The following NAALADL2 variants were observed in gnomAD, a reference collection of about 807,000 sequenced individuals.
The protein encoded by NAALADL2 is N-acetylated alpha-linked acidic dipeptidase like 2, also known as inactive N-acetylated-alpha-linked acidic dipeptidase-like protein 2.
A neutral mutation model predicts 87.2 loss-of-function variants in NAALADL2; 76 were observed. The ratio of observed to expected loss-of-function variants is 0.87; its 90% confidence interval spans 0.72 to 1.05. NAALADL2 has a LOEUF of 1.05. NAALADL2 is among the 50% of genes least tolerant of loss of function. The pLI is 0.00. For synonymous variants in NAALADL2, 354 were observed against 331.0 expected (o/e 1.07, Z -0.75); for missense variants, 1,089 against 945.8 (o/e 1.15, Z -1.99).
intron 1 of NAALADL2, among the ~76,000 whole-genome samples, chr3:175,008,014 C>G (rs1246113142): frequency 6.6e-6 from 1 of 151,978 alleles, no homozygotes; most frequent in Non-Finnish European, 1.5e-5. Flanking sequence ...TGATTCATTT[C>G]CCGGGTAGGA....
At chr3:175,593,983 T>C (rs1488623078) in intron 10 of NAALADL2, among the ~76,000 whole-genome samples, 1 of 16,400 alleles carries the variant, frequency 6.1e-5, no homozygotes, top group Non-Finnish European at 2.2e-4. Context: ...TTGCTATTCT[T>C]TTTTTTTTTT....
chr3:174,473,530 T>C (rs1222282323), intron 1 of NAALADL2, among the ~76,000 whole-genome samples: 1 of 152,216 alleles, frequency 6.6e-6, no homozygotes, highest in Non-Finnish European at 1.5e-5. Flanking sequence ...CCTTTCATGA[T>C]TACTGTTTAC....
chr3:174,493,503 CT>C (rs1213012574), intron 1 of NAALADL2, among the ~76,000 whole-genome samples: 4 of 152,192 alleles, frequency 2.6e-5, no homozygotes, highest in African/African-American at 9.7e-5. Context: ...TGATAATAGA[CT>C]TCTAAATTCC....
chr3:175,208,682 C>G lies in NAALADL2; in HGVS notation c.546-25249C>G, dbSNP rs1741318906. ...ATTCTTCCGATAATGCATTTTTCCACTAAGCATACACTGATCTCCACATGG... is the reference window on the plus strand; with the variant it reads ...ATTCTTCCGATAATGCATTTTTCCAGTAAGCATACACTGATCTCCACATGG... On this transcript the variant is annotated intron_variant, in intron 2 of 13. Coordinates refer to ENST00000454872, the MANE Select transcript of NAALADL2 (RefSeq NM_207015.3). 2.0e-5 allele frequency among the ~76,000 whole-genome samples: 3 copies of G among 152,072 alleles called. No individual in the cohort carries two copies. The South Asian group carries it at 6.2e-4, about 31-fold the overall frequency.
intron 12 of NAALADL2, among the ~76,000 whole-genome samples, chr3:175,741,906 A>G (rs1038855305): frequency 4.6e-5 from 7 of 152,214 alleles, no homozygotes; most frequent in Middle Eastern, 3.2e-3. Flanking sequence ...GGACTCAGAC[A>G]TCAATTAATA....
intron 1 of NAALADL2, among the ~76,000 whole-genome samples, chr3:175,051,539 A>T (rs1215564361): frequency 6.6e-6 from 1 of 152,202 alleles, no homozygotes; most frequent in Non-Finnish European, 1.5e-5. Flanking sequence ...CTGCACTGGC[A>T]GTCAGTATCA....
At chr3:174,812,681 A>C (rs1030639984) in intron 3 of NAALADL2, among the ~76,000 whole-genome samples, 1 of 152,066 alleles carries the variant, frequency 6.6e-6, no homozygotes, top group Non-Finnish European at 1.5e-5. Context: ...AAGACATTCC[A>C]GTGAGACAAG....
intron 2 of NAALADL2, among the ~76,000 whole-genome samples, chr3:174,655,673 CTATAA>C (rs373413478): frequency 2.5e-4 from 38 of 151,940 alleles, no homozygotes; most frequent in East Asian, 5.8e-4. Context: ...TAAAAATTAA[CTATAA>C]TATAACATGG....
intron 1 of NAALADL2, among the ~76,000 whole-genome samples, chr3:174,517,304 A>T (rs1305811171): frequency 1.3e-5 from 2 of 152,070 alleles, no homozygotes; most frequent in African/African-American, 4.8e-5. Flanking sequence ...AAAATAAAGC[A>T]TTATGTATTT....
At chr3:175,239,598 G>T (rs145344968) in intron 3 of NAALADL2, among the ~76,000 whole-genome samples, 2,851 of 152,144 alleles carry the variant, frequency 0.019, 43 homozygotes, top group Non-Finnish European at 0.033. Context: ...ATTCTGTAAA[G>T]CTTCATTTTT....
At chr3:175,153,659 G>T (rs977789795) in intron 2 of NAALADL2, among the ~76,000 whole-genome samples, 1 of 152,162 alleles carries the variant, frequency 6.6e-6, no homozygotes, top group Non-Finnish European at 1.5e-5. Flanking sequence ...TGATAGAAGA[G>T]ATCACCACTC....
At chr3:175,359,478 C>A (rs1472394006) in intron 5 of NAALADL2, among the ~76,000 whole-genome samples, 1 of 152,020 alleles carries the variant, frequency 6.6e-6, no homozygotes, top group Non-Finnish European at 1.5e-5. Flanking sequence ...AAATTCATTT[C>A]TGCCTTCTGT....
At position 175,368,598 on chromosome 3, in the gene NAALADL2, T is replaced by C. The variant is rs12634277; in HGVS notation, c.1090+44273T>C. ...GTGTGTGTGTGTGTGTGTGTGTGTT[T>C]ATAGCCAGTATGTATATATGTAGCA... On this transcript the variant is annotated intron_variant, in intron 5 of 13. Transcript: ENST00000454872. Among the ~76,000 whole-genome samples, 6 of 151,882 alleles carry C rather than the reference T, an allele frequency of 4.0e-5. No homozygotes were observed. In the East Asian group the frequency reaches 7.8e-4, roughly 20 times the overall value.
At chr3:174,447,884 A>G (rs1256059970) in intron 1 of NAALADL2, among the ~76,000 whole-genome samples, 1 of 152,194 alleles carries the variant, frequency 6.6e-6, no homozygotes, top group East Asian at 1.9e-4. Context: ...GTAGGTCTCC[A>G]TAGACTATAT....
intron 3 of NAALADL2, among the ~76,000 whole-genome samples, chr3:174,747,870 A>G (rs189308213): frequency 7.9e-5 from 12 of 152,322 alleles, no homozygotes; most frequent in East Asian, 5.8e-4. Context: ...GTGCATGTTC[A>G]TTGCAGCACT....
chr3:174,465,674 G>A (rs1716491017), intron 1 of NAALADL2, among the ~76,000 whole-genome samples: 1 of 152,106 alleles, frequency 6.6e-6, no homozygotes, highest in Non-Finnish European at 1.5e-5. Context: ...GTAATGTTAT[G>A]TCCATTTTCT....
At chr3:174,841,691 A>G (rs114437532) in intron 3 of NAALADL2, among the ~76,000 whole-genome samples, 2 of 152,336 alleles carry the variant, frequency 1.3e-5, no homozygotes, top group Non-Finnish European at 2.9e-5. Flanking sequence ...CTCTATGCCA[A>G]TAATACCATT....
At chr3:175,069,482 GA>G (rs1242124305) in intron 1 of NAALADL2, among the ~76,000 whole-genome samples, 5 of 149,852 alleles carry the variant, frequency 3.3e-5, no homozygotes, top group Middle Eastern at 6.8e-3. Flanking sequence ...ACACCAGTTA[GA>G]ATGGCAATCA....
At chr3:175,625,607 A>G (rs1726875101) in intron 10 of NAALADL2, among the ~76,000 whole-genome samples, 1 of 152,036 alleles carries the variant, frequency 6.6e-6, no homozygotes, top group Non-Finnish European at 1.5e-5. Flanking sequence ...CTTTGTTAAC[A>G]TAAACACACA....
Sources: gnomAD v4.1 joint callset for allele counts (sites outside exome capture counted in the v4.1 genomes callset) on GRCh38, gnomAD v4.1.1 for gene constraint, MANE v1.5 for transcripts, NCBI Gene and HGNC (gene_info 2026-07-23, HGNC 2026-07-21) for gene names.